Variants in KCNMA1 observed in about 807,000 individuals in gnomAD.
KCNMA1 encodes potassium calcium-activated channel subfamily M alpha 1.
Under a neutral mutation model 140.0 loss-of-function variants are expected in KCNMA1, and 29 were observed. The observed-to-expected ratio is 0.21, with a 90% CI of 0.15 to 0.28. The LOEUF is 0.28. Ranked by LOEUF, KCNMA1 falls within the 10% of genes least tolerant of loss-of-function variation. KCNMA1 has a pLI of 1.00. For missense variants in KCNMA1, 880 were observed against 1,602.2 expected (o/e 0.55, Z 7.70); for synonymous variants, 612 against 611.9 (o/e 1.00, Z 0.00).
chr10:76,960,435 A>AGGG (rs781635432), intron 20 of KCNMA1, among the ~76,000 whole-genome samples: 12 of 151,892 alleles, frequency 7.9e-5, no homozygotes, highest in Non-Finnish European at 1.8e-4. Flanking sequence ...GGTACTCAGG[A>AGGG]GGCTGAGGCA....
At chr10:77,155,536 C>T (rs1433111198) in intron 5 of KCNMA1, among the ~76,000 whole-genome samples, 1 of 152,080 alleles carries the variant, frequency 6.6e-6, no homozygotes, top group African/African-American at 2.4e-5. Flanking sequence ...CTCACCCTGC[C>T]CTGTTCTGCC....
intron 8 of KCNMA1, 100 bp downstream of exon 8, chr10:77,110,073 A>T: frequency 9.8e-7 from 1 of 1,024,440 alleles, no homozygotes; most frequent in Non-Finnish European, 1.5e-6. Flanking sequence ...GCTTGCTTCT[A>T]GTGCAGAATA....
At chr10:77,482,581 C>A (rs2154532063) in intron 1 of KCNMA1, among the ~76,000 whole-genome samples, 1 of 152,244 alleles carries the variant, frequency 6.6e-6, no homozygotes, top group Non-Finnish European at 1.5e-5. Context: ...CACCACAGGG[C>A]CATTTGGGAC....
chr10:77,488,454 G>A (rs2098487374), intron 1 of KCNMA1, among the ~76,000 whole-genome samples: 1 of 152,198 alleles, frequency 6.6e-6, no homozygotes, highest in Non-Finnish European at 1.5e-5. Flanking sequence ...GTCTGGGCTG[G>A]TAAGGAAGCA....
chr10:77,538,899 A>C (rs986318661), intron 1 of KCNMA1, among the ~76,000 whole-genome samples: 6 of 152,330 alleles, frequency 3.9e-5, no homozygotes, highest in Admixed American at 1.3e-4. Context: ...CACAGGGCTC[A>C]GCATGAAGGC....
chr10:77,088,065 A>G (rs1466200908), intron 10 of KCNMA1, among the ~76,000 whole-genome samples: 1 of 152,118 alleles, frequency 6.6e-6, no homozygotes, highest in African/African-American at 2.4e-5. Flanking sequence ...GGTTCAAGTG[A>G]TTTTTGTGCC....
At position 77,151,674 on chromosome 10, in the gene KCNMA1, A is replaced by G. The variant is rs113547698; in HGVS notation, c.809-30626T>C. On this transcript the variant is annotated intron_variant, in intron 5 of 27. Transcript: ENST00000286628. ...GATACATTTGAATGCTGGAGCACTC[A>G]GCTGATTAAGATACCTAATTTCTGA... 9.4e-3 allele frequency among the ~76,000 whole-genome samples: 1,436 copies of G among 152,286 alleles called. 25 individuals are homozygous for G. The highest frequency in any genetic ancestry group is 0.033 in the African/African-American group (1,361 of 41,556).
At chr10:76,944,468 A>G (rs1248244090) in intron 23 of KCNMA1, among the ~76,000 whole-genome samples, 1 of 152,204 alleles carries the variant, frequency 6.6e-6, no homozygotes, top group East Asian at 1.9e-4. Flanking sequence ...GTGCTCTGAC[A>G]TTTAGCTGAT....
intron 1 of KCNMA1, among the ~76,000 whole-genome samples, chr10:77,501,373 T>A (rs1006084270): frequency 1.3e-5 from 2 of 152,170 alleles, no homozygotes; most frequent in African/African-American, 4.8e-5. Context: ...CCCAGAGGTG[T>A]TGAGGGTGAA....
intron 3 of KCNMA1, among the ~76,000 whole-genome samples, chr10:77,203,867 C>T (rs139598021): frequency 7.9e-5 from 12 of 152,088 alleles, no homozygotes; most frequent in African/African-American, 2.2e-4. Context: ...GAGGCTGAGG[C>T]GGGCAGATCA....
intron 1 of KCNMA1, among the ~76,000 whole-genome samples, chr10:77,441,717 C>G (rs183724858): frequency 1.1e-3 from 164 of 152,286 alleles, no homozygotes; most frequent in Admixed American, 3.3e-3. Flanking sequence ...AACCACTCTG[C>G]GACCCTGCAG....
intron 3 of KCNMA1, among the ~76,000 whole-genome samples, chr10:77,248,444 G>A (rs145005300): frequency 6.6e-6 from 1 of 152,290 alleles, no homozygotes; most frequent in East Asian, 1.9e-4. Flanking sequence ...TTGTGGGAAA[G>A]CCTATAGACT....
chr10:77,619,721 G>A (rs1423219069), intron 1 of KCNMA1, among the ~76,000 whole-genome samples: 1 of 152,186 alleles, frequency 6.6e-6, no homozygotes, highest in South Asian at 2.1e-4. Flanking sequence ...CTGCAGAGGA[G>A]ACAGGATGCC....
chr10:77,139,977 T>C (rs1366878831), intron 5 of KCNMA1, among the ~76,000 whole-genome samples: 1 of 152,184 alleles, frequency 6.6e-6, no homozygotes, highest in South Asian at 2.1e-4. Flanking sequence ...ATTTAATAAA[T>C]AGGAAGCAAG....
At chr10:76,944,202 G>C (rs1442323531) in intron 23 of KCNMA1, among the ~76,000 whole-genome samples, 1 of 152,216 alleles carries the variant, frequency 6.6e-6, no homozygotes, top group Admixed American at 6.5e-5. Context: ...ACTAGGGGCA[G>C]AGTAGGAAGG....
At chr10:77,502,032 C>A (rs897762897) in intron 1 of KCNMA1, among the ~76,000 whole-genome samples, 4 of 152,182 alleles carry the variant, frequency 2.6e-5, no homozygotes, top group Admixed American at 2.6e-4. Context: ...TATCCCCCTC[C>A]TCTGCCAGGT....
chr10:77,327,228 C>T lies in KCNMA1; in HGVS notation c.541-75972G>A, dbSNP rs146789361. 2.6e-3 allele frequency among the ~76,000 whole-genome samples: 399 copies of T among 151,816 alleles called. 1 individual carries two copies. The highest frequency in any genetic ancestry group is 4.1e-3 in the Non-Finnish European group (281 of 67,942). ...TGCTTCTGGGTCCACACTTGCACAC[C>T]TAAGACAAGTTCACCCGCCATCCCT... On this transcript the variant is annotated intron_variant, in intron 2 of 27. Coordinates refer to ENST00000286628, the MANE Select transcript of KCNMA1 (RefSeq NM_001161352.2).
In KCNMA1 at chr10:77,460,095, A is replaced by G. The variant is rs142522663; in HGVS notation, c.379-56072T>C. Among the ~76,000 whole-genome samples the G allele has an allele frequency of 5.9e-3, 905 of 152,354 alleles. 1 individual carries two copies. Among genetic ancestry groups the G allele is most frequent in the Non-Finnish European group, 7.9e-3 (539 of 68,036 alleles). ...AATATGTAAACAAATGGATGTTCCA[A>G]TAAAACTTTATTTATAAAATCAGGT... On this transcript the variant is annotated intron_variant, in intron 1 of 27. Coordinates refer to ENST00000286628, the MANE Select transcript of KCNMA1 (RefSeq NM_001161352.2).
chr10:77,187,804 A>G (rs1268423419), intron 3 of KCNMA1, among the ~76,000 whole-genome samples: 1 of 152,118 alleles, frequency 6.6e-6, no homozygotes, highest in East Asian at 1.9e-4. Flanking sequence ...AAGTGGCAAC[A>G]GAACTGTTTA....
Sources: gnomAD v4.1 joint callset for allele counts (sites outside exome capture counted in the v4.1 genomes callset) on GRCh38, gnomAD v4.1.1 for gene constraint, MANE v1.5 for transcripts, NCBI Gene and HGNC (gene_info 2026-07-23, HGNC 2026-07-21) for gene names.